Variants in GPC6 observed in about 807,000 individuals in gnomAD.
GPC6 encodes glypican 6.
In GPC6, 14 loss-of-function variants were observed where a neutral mutation model predicts 55.2. The observed-to-expected ratio is 0.25, with a 90% CI of 0.17 to 0.40. The LOEUF is 0.40. GPC6 is among the 10% of genes least tolerant of loss of function. GPC6 has a pLI of 1.00. For missense variants in GPC6, 641 were observed against 708.5 expected (o/e 0.90, Z 1.08); for synonymous variants, 278 against 259.6 (o/e 1.07, Z -0.68).
At chr13:94,213,042 G>A (rs1487563535) in intron 4 of GPC6, among the ~76,000 whole-genome samples, 1 of 152,164 alleles carries the variant, frequency 6.6e-6, no homozygotes, top group Non-Finnish European at 1.5e-5. Flanking sequence ...TGTAATCCCA[G>A]CTACCTGGGA....
rs905190445 is a variant in GPC6, at chr13:93,677,777, A to G, written c.319+132356A>G. On this transcript the variant is annotated intron_variant, in intron 2 of 8. Coordinates refer to ENST00000377047, the MANE Select transcript of GPC6 (RefSeq NM_005708.5). ...CCCAGGTTTTAAAACTTTGATGCCT[A>G]GAATAACTGATTTTGGAGGTAAGAT... Among the ~76,000 whole-genome samples the G allele has an allele frequency of 8.5e-5, 13 of 152,312 alleles. 2 individuals are homozygous for G. The Middle Eastern group carries it at 0.031, about 361-fold the overall frequency.
At chr13:94,125,071 AC>A (rs1191895970) in intron 4 of GPC6, among the ~76,000 whole-genome samples, 2 of 152,174 alleles carry the variant, frequency 1.3e-5, no homozygotes, top group African/African-American at 2.4e-5. Flanking sequence ...TTTTCACTTA[AC>A]CTTAAATACA....
intron 2 of GPC6, among the ~76,000 whole-genome samples, chr13:93,549,275 G>A (rs1279070782): frequency 6.6e-6 from 1 of 152,104 alleles, no homozygotes; most frequent in Non-Finnish European, 1.5e-5. Context: ...GTAGACAAGG[G>A]GAGAGTCATC....
At chr13:93,248,844 G>A (rs1306918354) in intron 1 of GPC6, among the ~76,000 whole-genome samples, 4 of 152,200 alleles carry the variant, frequency 2.6e-5, no homozygotes, top group Non-Finnish European at 5.9e-5. Flanking sequence ...CCATGAAAAG[G>A]AAGTGGCTGG....
chr13:93,489,484 G>T (rs1277799280), intron 1 of GPC6, among the ~76,000 whole-genome samples: 1 of 151,332 alleles, frequency 6.6e-6, no homozygotes, highest in Non-Finnish European at 1.5e-5. Context: ...GAACTTTAAA[G>T]TAGTTTTTTC....
chr13:94,286,202 C>T, intron 4 of GPC6, 147 bp from the exon 5 acceptor site: 1 of 687,842 alleles, frequency 1.5e-6, no homozygotes, highest in South Asian at 1.8e-5. Flanking sequence ...ATTCAGTCAT[C>T]TATTTCATTT....
intron 1 of GPC6, among the ~76,000 whole-genome samples, chr13:93,542,570 G>T (rs1882359129): frequency 6.6e-6 from 1 of 152,152 alleles, no homozygotes; most frequent in Non-Finnish European, 1.5e-5. Context: ...GAAAGTCATT[G>T]GTAGCTTGAT....
chr13:94,335,972 G>C (rs887373351), intron 6 of GPC6, among the ~76,000 whole-genome samples: 1 of 151,482 alleles, frequency 6.6e-6, no homozygotes, highest in Non-Finnish European at 1.5e-5. Flanking sequence ...GAGTCAGAGA[G>C]AAGTGTGTCA....
intron 4 of GPC6, among the ~76,000 whole-genome samples, chr13:94,051,949 C>T (rs1256772071): frequency 6.6e-6 from 1 of 151,946 alleles, no homozygotes; most frequent in Admixed American, 6.6e-5. Flanking sequence ...ATCTAGAGTG[C>T]CTGCTAGATA....
intron 2 of GPC6, among the ~76,000 whole-genome samples, chr13:93,558,563 A>G (rs1167813941): frequency 6.6e-6 from 1 of 152,216 alleles, no homozygotes; most frequent in Non-Finnish European, 1.5e-5. Flanking sequence ...TACAGAGGAT[A>G]CTTTGTTTCC....
At chr13:93,861,454 A>G (rs1888810540) in intron 3 of GPC6, among the ~76,000 whole-genome samples, 1 of 151,568 alleles carries the variant, frequency 6.6e-6, no homozygotes, top group Admixed American at 6.6e-5. Flanking sequence ...TAACTACAGA[A>G]AATATTATAA....
intron 3 of GPC6, among the ~76,000 whole-genome samples, chr13:94,015,473 A>G (rs1340070048): frequency 6.6e-6 from 1 of 152,154 alleles, no homozygotes; most frequent in African/African-American, 2.4e-5. Context: ...ATTGGTTATC[A>G]TGTTACTTTC....
intron 2 of GPC6, among the ~76,000 whole-genome samples, chr13:93,614,068 T>G (rs1878610391): frequency 6.6e-6 from 1 of 152,186 alleles, no homozygotes; most frequent in Non-Finnish European, 1.5e-5. Flanking sequence ...TACATTTATG[T>G]TCAAGGAGGA....
At chr13:94,153,843 G>A (rs1415928588) in intron 4 of GPC6, among the ~76,000 whole-genome samples, 1 of 152,162 alleles carries the variant, frequency 6.6e-6, no homozygotes, top group African/African-American at 2.4e-5. Flanking sequence ...TGATTCTTAT[G>A]TGCAATAAAT....
chr13:94,398,598 A>G lies in GPC6; in HGVS notation c.1422A>G (p.Leu474=), dbSNP rs751620818. ...IMALRVMTNK[L]KNAYNGNDVN... is the part of the protein sequence containing the mutation. ...CTCTCCGTGTGATGACCAACAAACTAAAAAACGCCTACAATGGCAATGATG... is the reference window on the plus strand; with the variant it reads ...CTCTCCGTGTGATGACCAACAAACTGAAAAACGCCTACAATGGCAATGATG... The change falls in exon 8 of 9, where the codon CTA becomes CTG. Residue 474 remains leucine (L), a synonymous_variant. Transcript: ENST00000377047. 6.2e-7 allele frequency: 1 copy of G among 1,614,026 alleles called. No individual in the cohort carries two copies. Among genetic ancestry groups the G allele is most frequent in the Non-Finnish European group, 8.5e-7 (1 of 1,179,884 alleles).
At chr13:94,150,487 T>C (rs1887698851) in intron 4 of GPC6, among the ~76,000 whole-genome samples, 1 of 152,062 alleles carries the variant, frequency 6.6e-6, no homozygotes, top group Non-Finnish European at 1.5e-5. Context: ...ATTTCTCACC[T>C]CAACCTACCT....
At chr13:94,149,847 C>A (rs1204324579) in intron 4 of GPC6, among the ~76,000 whole-genome samples, 1 of 151,960 alleles carries the variant, frequency 6.6e-6, no homozygotes, top group East Asian at 1.9e-4. Context: ...ACACTTCGCA[C>A]GTTCTATCTC....
intron 3 of GPC6, among the ~76,000 whole-genome samples, chr13:93,944,585 C>A (rs1356560753): frequency 6.6e-6 from 1 of 152,160 alleles, no homozygotes; most frequent in African/African-American, 2.4e-5. Flanking sequence ...GCTTGTTTTA[C>A]AGCCACTAGG....
intron 2 of GPC6, among the ~76,000 whole-genome samples, chr13:93,607,305 T>C (rs1224586787): frequency 6.6e-6 from 1 of 152,250 alleles, no homozygotes; most frequent in Non-Finnish European, 1.5e-5. Context: ...ATATAAAAAT[T>C]GCAATAAGGA....
Sources: gnomAD v4.1 joint callset for allele counts (sites outside exome capture counted in the v4.1 genomes callset) on GRCh38, gnomAD v4.1.1 for gene constraint, MANE v1.5 for transcripts, NCBI Gene and HGNC (gene_info 2026-07-23, HGNC 2026-07-21) for gene names.